SHISA9: variants seen among roughly 807,000 people sequenced by gnomAD.
SHISA9 encodes the protein protein shisa-9.
SHISA9 carries 13 observed loss-of-function variants against 38.0 expected under a neutral mutation model. The ratio of observed to expected loss-of-function variants is 0.34; its 90% CI spans 0.22 to 0.54. The LOEUF (loss-of-function observed/expected upper bound fraction) is 0.54. SHISA9 is among the 20% of genes least tolerant of loss of function. The probability of loss-of-function intolerance (pLI) is 0.91; values close to 1 mark genes in which losing one functional copy is unlikely to be tolerated. For missense variants in SHISA9, 538 were observed against 575.8 expected, an observed-to-expected ratio of 0.93 and a Z score of 0.67; for synonymous variants, 275 against 242.0, an observed-to-expected ratio of 1.14 and a Z score of -1.27.
rs150632105 is a variant in SHISA9 at position 13,088,041 on chromosome 16, G to A, written c.692-115353G>A. Among the ~76,000 whole-genome samples, 945 of 152,248 alleles carry A rather than the reference G, an allele frequency of 6.2e-3. 10 individuals are homozygous for A. The highest frequency in any genetic ancestry group is 0.022 in the African/African-American group (894 of 41,552). On this transcript the variant is annotated intron_variant, in intron 2 of 4. Transcript: ENST00000558583. Reference sequence around the variant, plus strand: ...ATCCAGTTTCAGCTTTCTACATATGGCTAGCCAGTTTTCGCAGTATCATTT... The same window carrying A: ...ATCCAGTTTCAGCTTTCTACATATGACTAGCCAGTTTTCGCAGTATCATTT...
chr16:13,175,878 C>G (rs540768048), intron 2 of SHISA9, among the ~76,000 whole-genome samples: 14 of 152,062 alleles, frequency 9.2e-5, no homozygotes, highest in Non-Finnish European at 1.6e-4. Flanking sequence ...GGAGACCAAG[C>G]AAGAGAGAGA....
intron 3 of SHISA9, chr16:13,204,943 G>A (rs183524171): frequency 2.6e-5 from 4 of 152,318 alleles, no homozygotes; most frequent in African/African-American, 9.6e-5. Flanking sequence ...TAGTTACCCT[G>A]ACAGTGACTG....
the SHISA9 span, among the ~76,000 whole-genome samples, chr16:13,560,379 C>T: frequency 6.6e-6 from 1 of 152,170 alleles, no homozygotes; most frequent in Non-Finnish European, 1.5e-5. Flanking sequence ...TGAGCAGGAT[C>T]ACATGGTCTA....
At chr16:13,140,961 C>T (rs536416017) in intron 2 of SHISA9, among the ~76,000 whole-genome samples, 10 of 152,126 alleles carry the variant, frequency 6.6e-5, no homozygotes, top group Non-Finnish European at 1.5e-4. Context: ...ATGGAGGATG[C>T]TGAACCTGGA....
At chr16:13,384,182 A>G in the SHISA9 span, among the ~76,000 whole-genome samples, 1 of 152,180 alleles carries the variant, frequency 6.6e-6, no homozygotes, top group African/African-American at 2.4e-5. Context: ...ATAGGCAAAT[A>G]ATAAGTTTCG....
chr16:13,400,269 A>G, the SHISA9 span, among the ~76,000 whole-genome samples: 1 of 152,164 alleles, frequency 6.6e-6, no homozygotes, highest in African/African-American at 2.4e-5. Context: ...TGTGACCCAG[A>G]AAATGAAGGC....
At chr16:13,351,996 G>C in the SHISA9 span, among the ~76,000 whole-genome samples, 1 of 152,152 alleles carries the variant, frequency 6.6e-6, no homozygotes, top group South Asian at 2.1e-4. Flanking sequence ...GCTCCTGCCC[G>C]AATAGAATGG....
At chr16:13,281,843 T>C in the SHISA9 span, among the ~76,000 whole-genome samples, 4 of 151,716 alleles carry the variant, frequency 2.6e-5, no homozygotes, top group African/African-American at 9.7e-5. Flanking sequence ...GCTTTATCCT[T>C]TATGTTTTAT....
At chr16:13,450,765 T>G in the SHISA9 span, among the ~76,000 whole-genome samples, 2 of 152,008 alleles carry the variant, frequency 1.3e-5, no homozygotes, top group South Asian at 2.1e-4. Flanking sequence ...AAAATCTGTG[T>G]TGTTGTTTTG....
chr16:13,020,872 T>C (rs750753240), intron 2 of SHISA9, among the ~76,000 whole-genome samples: 36 of 152,322 alleles, frequency 2.4e-4, no homozygotes, highest in African/African-American at 5.5e-4. Context: ...TCACTTACCC[T>C]TCTTTGAGAG....
chr16:13,203,339 A>G, intron 2 of SHISA9, 55 bp from the exon 3 acceptor site: 3 of 1,403,830 alleles, frequency 2.1e-6, no homozygotes, highest in Non-Finnish European at 2.8e-6. Flanking sequence ...ATGGGAGGGA[A>G]GGTAGATGGT....
At chr16:13,319,759 G>A in the SHISA9 span, among the ~76,000 whole-genome samples, 1 of 150,724 alleles carries the variant, frequency 6.6e-6, no homozygotes, top group Non-Finnish European at 1.5e-5. Flanking sequence ...TCCCACAGGG[G>A]CCTTTCCAGG....
At chr16:13,223,943 G>T (rs1295857728) in intron 4 of SHISA9, among the ~76,000 whole-genome samples, 1 of 152,196 alleles carries the variant, frequency 6.6e-6, no homozygotes, top group Non-Finnish European at 1.5e-5. Flanking sequence ...ATAACTTGAG[G>T]CAGTGGAGCC....
intron 2 of SHISA9, among the ~76,000 whole-genome samples, chr16:13,082,917 C>T (rs559743722): frequency 4.1e-4 from 62 of 152,310 alleles, no homozygotes; most frequent in Non-Finnish European, 6.5e-4. Flanking sequence ...GAGAGTCCAT[C>T]ACCTCCTTCA....
chr16:13,131,333 A>G (rs779541407), intron 2 of SHISA9, among the ~76,000 whole-genome samples: 3 of 152,204 alleles, frequency 2.0e-5, no homozygotes, highest in African/African-American at 4.8e-5. Flanking sequence ...TGGAGCTGGA[A>G]GCCATTATCC....
At chr16:13,494,952 G>A in the SHISA9 span, among the ~76,000 whole-genome samples, 19 of 152,094 alleles carry the variant, frequency 1.2e-4, no homozygotes, top group Non-Finnish European at 2.2e-4. Flanking sequence ...AGGACGTTGC[G>A]CCTTGCAAAA....
At chr16:13,193,823 A>G (rs769977508) in intron 2 of SHISA9, among the ~76,000 whole-genome samples, 11 of 152,206 alleles carry the variant, frequency 7.2e-5, no homozygotes, top group Non-Finnish European at 1.6e-4. Flanking sequence ...GGTATCTGGT[A>G]TCTCAGAGTT....
At chr16:13,444,982 C>CCATA in the SHISA9 span, among the ~76,000 whole-genome samples, 1 of 106,248 alleles carries the variant, frequency 9.4e-6, no homozygotes, top group African/African-American at 3.4e-5. Context: ...CCATGCCTAG[C>CCATA]TATATATATA....
the SHISA9 span, among the ~76,000 whole-genome samples, chr16:13,260,336 A>G: frequency 6.6e-6 from 1 of 151,906 alleles, no homozygotes; most frequent in Non-Finnish European, 1.5e-5. Context: ...TTTCTATTGC[A>G]TAGTCAGGCT....
Sources: allele counts gnomAD v4.1 joint callset (sites outside exome capture counted in the v4.1 genomes callset), GRCh38; gene constraint gnomAD v4.1.1; transcripts MANE v1.5; gene names NCBI Gene and HGNC (gene_info 2026-07-23, HGNC 2026-07-21).